The following TMEM132D variants were observed in gnomAD, a reference collection of about 807,000 sequenced individuals.
TMEM132D encodes the protein mature OL transmembrane protein.
In TMEM132D, 21 loss-of-function variants were observed where a neutral mutation model predicts 62.3. The ratio of observed to expected loss-of-function variants is 0.34; its 90% CI spans 0.24 to 0.49. The LOEUF (loss-of-function observed/expected upper bound fraction) is 0.49, where lower values mean the gene tolerates loss of function less well. Among genes scored for constraint, TMEM132D ranks in the 20% least tolerant of loss-of-function variants. The pLI, the probability that TMEM132D is intolerant of heterozygous loss-of-function variation, is 0.99. For synonymous variants in TMEM132D, 621 were observed against 575.6 expected, an observed-to-expected ratio of 1.08 and a Z score of -1.13; for missense variants, 1,346 against 1,402.8, an observed-to-expected ratio of 0.96 and a Z score of 0.65.
chr12:129,305,433 C>T (rs950456074), intron 4 of TMEM132D, among the ~76,000 whole-genome samples: 1 of 152,088 alleles, frequency 6.6e-6, no homozygotes, highest in Non-Finnish European at 1.5e-5. Context: ...ATGCCACCTG[C>T]AAATAGCAAG....
At chr12:129,638,493 A>T (rs1396397925) in intron 2 of TMEM132D, among the ~76,000 whole-genome samples, 1 of 110,184 alleles carries the variant, frequency 9.1e-6, no homozygotes, top group Non-Finnish European at 2.0e-5. Flanking sequence ...GTGATTTTTT[A>T]TATATATAAA....
chr12:129,385,287 G>A (rs112997408), intron 3 of TMEM132D, among the ~76,000 whole-genome samples: 5,108 of 151,668 alleles, frequency 0.034, 115 homozygotes, highest in Non-Finnish European at 0.052. Context: ...TGTATTTTTA[G>A]TAGAGGTGGG....
chr12:129,627,931 G>A (rs531175992), intron 2 of TMEM132D, among the ~76,000 whole-genome samples: 11 of 152,314 alleles, frequency 7.2e-5, no homozygotes, highest in Middle Eastern at 3.4e-3. Context: ...AGGCTGCAGT[G>A]AGCTGAGATC....
At chr12:129,180,896 G>A (rs138146663) in intron 5 of TMEM132D, among the ~76,000 whole-genome samples, 6 of 152,180 alleles carry the variant, frequency 3.9e-5, no homozygotes, top group Admixed American at 6.5e-5. Flanking sequence ...TGAGCCTTCC[G>A]GGCTACAGAG....
At chr12:129,814,600 A>C (rs12228424) in intron 1 of TMEM132D, among the ~76,000 whole-genome samples, 28,441 of 132,112 alleles carry the variant, frequency 0.22, 3,280 homozygotes, top group East Asian at 0.47. Context: ...AACAAGAGCG[A>C]AACTCCCTCT....
intron 5 of TMEM132D, among the ~76,000 whole-genome samples, chr12:129,205,739 A>T (rs1224734672): frequency 6.6e-6 from 1 of 152,054 alleles, no homozygotes; most frequent in East Asian, 1.9e-4. Flanking sequence ...CGTGGAACAT[A>T]CTCCAAAATC....
Position 129,635,877 on chromosome 12 carries a change from A to C in TMEM132D, c.968+63933T>G, listed in dbSNP as rs187659456. 2.6e-3 allele frequency among the ~76,000 whole-genome samples: 401 copies of C among 152,320 alleles called. 4 individuals carry two copies. Among genetic ancestry groups the C allele is most frequent in the South Asian group, 0.022 (106 of 4,826 alleles). ...ACATTTCAGGGAGATATAAGACATT[A>C]ATCGATACATGTAGGGTATACATTG... is the stretch of plus-strand genomic sequence containing the variant. On this transcript the variant is annotated intron_variant, in intron 2 of 8. Transcript: ENST00000422113.
At chr12:129,134,154 C>A (rs1228027364) in intron 5 of TMEM132D, among the ~76,000 whole-genome samples, 9 of 133,712 alleles carry the variant, frequency 6.7e-5, no homozygotes, top group African/African-American at 2.7e-4. Flanking sequence ...GTGTCTGTGT[C>A]TGTGTGTGTG....
chr12:129,098,673 A>G (rs569603612), intron 5 of TMEM132D, among the ~76,000 whole-genome samples: 6 of 152,306 alleles, frequency 3.9e-5, no homozygotes, highest in African/African-American at 1.4e-4. Context: ...GATGGCCACA[A>G]CAGTCTCTCC....
chr12:129,424,755 ACTC>A (rs1345676924), intron 3 of TMEM132D, among the ~76,000 whole-genome samples: 1 of 151,562 alleles, frequency 6.6e-6, no homozygotes, highest in Non-Finnish European at 1.5e-5. Flanking sequence ...CACATAATGA[ACTC>A]CTCACTTTGA....
intron 3 of TMEM132D, among the ~76,000 whole-genome samples, chr12:129,464,410 A>T (rs1217142163): frequency 6.6e-6 from 1 of 151,932 alleles, no homozygotes; most frequent in Non-Finnish European, 1.5e-5. Flanking sequence ...ATTTTCTCCC[A>T]TTTTGTAGGT....
intron 4 of TMEM132D, among the ~76,000 whole-genome samples, chr12:129,241,330 T>C (rs1879932775): frequency 1.3e-5 from 2 of 152,086 alleles, no homozygotes; most frequent in Admixed American, 1.3e-4. Context: ...AAACAAATAA[T>C]CTGATTGCCT....
chr12:129,519,234 C>A (rs567340736), intron 3 of TMEM132D, among the ~76,000 whole-genome samples: 10 of 152,230 alleles, frequency 6.6e-5, no homozygotes, highest in Admixed American at 2.0e-4. Context: ...AAATTTAGCA[C>A]GTCCTTCAAT....
chr12:129,250,050 G>A (rs1201903027), intron 4 of TMEM132D, among the ~76,000 whole-genome samples: 3 of 152,132 alleles, frequency 2.0e-5, no homozygotes, highest in Admixed American at 6.5e-5. Flanking sequence ...CCACCCAGAC[G>A]AGACTCTGCA....
rs142366267 is a variant in TMEM132D, at chr12:129,147,865, C to A, written c.1443+61655G>T. On this transcript the variant is annotated intron_variant, in intron 5 of 8. Transcript: ENST00000422113. Reference sequence around the variant, plus strand: ...CTCCTGCTACACCAGATTTCCTATTCCCCACCTTGGGTTTAGCATGAACTG... The same window carrying A: ...CTCCTGCTACACCAGATTTCCTATTACCCACCTTGGGTTTAGCATGAACTG... 6.2e-3 allele frequency among the ~76,000 whole-genome samples: 947 copies of A among 152,326 alleles called. 32 individuals carry two copies. The highest frequency in any genetic ancestry group is 0.051 in the Admixed American group (775 of 15,304).
At chr12:129,375,644 G>T in intron 3 of TMEM132D, among the ~76,000 whole-genome samples, 1 of 151,636 alleles carries the variant, frequency 6.6e-6, no homozygotes, top group East Asian at 1.9e-4. Flanking sequence ...TAAATCAGTT[G>T]TCCTCAACCT....
intron 8 of TMEM132D, among the ~76,000 whole-genome samples, chr12:129,077,097 T>C (rs1293561978): frequency 6.6e-6 from 1 of 152,220 alleles, no homozygotes; most frequent in African/African-American, 2.4e-5. Flanking sequence ...AGCTCATGCC[T>C]GAGAGGGGAG....
At chr12:129,765,146 C>T (rs191099112) in intron 1 of TMEM132D, among the ~76,000 whole-genome samples, 5 of 152,120 alleles carry the variant, frequency 3.3e-5, no homozygotes, top group African/African-American at 1.2e-4. Context: ...ATTTGTGCTT[C>T]AGTGGAAAAG....
At chr12:129,120,865 T>C (rs1053964013) in intron 5 of TMEM132D, among the ~76,000 whole-genome samples, 3 of 152,134 alleles carry the variant, frequency 2.0e-5, no homozygotes, top group African/African-American at 4.8e-5. Context: ...TTTACAACTT[T>C]CTATTAGTTT....
Sources: allele counts gnomAD v4.1 joint callset (sites outside exome capture counted in the v4.1 genomes callset), GRCh38; gene constraint gnomAD v4.1.1; transcripts MANE v1.5; gene names NCBI Gene and HGNC (gene_info 2026-07-23, HGNC 2026-07-21).